Variants in NOP56 observed in about 807,000 individuals in gnomAD.
NOP56 encodes the protein nucleolar protein 56.
A neutral mutation model predicts 58.3 loss-of-function variants in NOP56; 31 were observed. The observed-to-expected ratio is 0.53, with a 90% CI of 0.40 to 0.72. NOP56 has a LOEUF of 0.72. Among genes scored for constraint, NOP56 ranks in the 30% least tolerant of loss-of-function variants. The pLI, the probability that NOP56 is intolerant of heterozygous loss-of-function variation, is 0.00. For synonymous variants in NOP56, 313 were observed against 282.8 expected, an observed-to-expected ratio of 1.11 and a Z score of -1.07; for missense variants, 669 against 739.9, an observed-to-expected ratio of 0.90 and a Z score of 1.11.
intron 3 of NOP56, chr20:2,653,936 A>G (rs763973872): frequency 1.8e-5 from 6 of 335,648 alleles, no homozygotes; most frequent in Admixed American, 3.8e-5. Context: ...TGCAGGCGCG[A>G]GCGACGGTGC....
rs758836446 is a variant in NOP56 at position 2,652,967 on chromosome 20, C to G, written c.93+36C>G. 3.3e-6 allele frequency: 5 copies of G among 1,532,352 alleles called. No homozygotes were observed. The East Asian group carries it at 1.2e-4, about 37-fold the overall frequency. The allele number at this position is 1,532,352 out of a possible 1,614,324, so 94.9% of individuals were successfully genotyped here. ...TCCGTGGGCTCCTTTGGCGGCCCCG[C>G]AGACCCTCATCGCGCGGGTCCCAGC... On this transcript the variant is annotated intron_variant, in intron 2 of 11. Transcript: ENST00000329276.
chr20:2,652,921 T>C lies in NOP56; in HGVS notation c.83T>C (p.Leu28Pro), dbSNP rs777206998. 1.2e-6 allele frequency: 2 copies of C among 1,604,166 alleles called. No homozygotes were observed. The highest frequency in any genetic ancestry group is 1.1e-5 in the South Asian group (1 of 90,320). The change falls in exon 2 of 12, where the codon CTG becomes CCG. Residue 28 changes from leucine to proline, a missense_variant. Physicochemically the swap from Leu to Pro is moderately conservative, Grantham distance 98. Around this residue, in one of 3 missense-constraint regions of NOP56, gnomAD observed 121 missense variants for 113.1 expected, o/e 1.07. Coordinates refer to ENST00000329276, the MANE Select transcript of NOP56 (RefSeq NM_006392.4). Reference sequence around the variant, plus strand: ...AAGGAAGTGGAGGAGATCAGTCTGCTGCAGCCGCAGGTGGGTGAGATCCGT... The same window carrying C: ...AAGGAAGTGGAGGAGATCAGTCTGCCGCAGCCGCAGGTGGGTGAGATCCGT... Reference protein sequence around the residue: ...ALKEVEEISLLQPQVEESVLN... With the variant: ...ALKEVEEISLPQPQVEESVLN...
rs1367398253 is a variant in NOP56 at position 2,656,862 on chromosome 20, G to T, written c.1248G>T (p.Lys416Asn). 6.2e-7 allele frequency: 1 copy of T among 1,614,080 alleles called. No individual in the cohort carries two copies. Among genetic ancestry groups the T allele is most frequent in the Non-Finnish European group, 8.5e-7 (1 of 1,180,048 alleles). Residue 416 changes from lysine (K) to asparagine (N), a missense_variant, in exon 10 of 12, where the codon AAG becomes AAT. This residue lies in a region of NOP56 where 339 missense variants were observed against 430.5 expected (regional missense o/e 0.79). Transcript: ENST00000329276. ...SFYETGEIPR[K>N]NLDVMKEAMV... The stretch of plus-strand genomic sequence containing the variant: ...ATGAGACTGGAGAGATACCACGAAA[G>T]AATCTGGATGTCATGAAGGAAGCAA...
At chr20:2,657,299 C>G in intron 11 of NOP56, 81 bp downstream of exon 11, 1 of 1,594,654 alleles carries the variant, frequency 6.3e-7, no homozygotes, top group Non-Finnish European at 8.6e-7. Context: ...CTGCATCAAG[C>G]TGTGGTCTTG....
chr20:2,657,406 CAG>C lies in NOP56; in HGVS notation c.1419+193_1419+194del, dbSNP rs1316287196. 7.9e-6 allele frequency: 7 copies of C among 887,306 alleles called. 1 individual carries two copies. The East Asian group carries it at 1.3e-4, about 17-fold the overall frequency. 55.0% of individuals were successfully genotyped at this position (887,306 alleles called of 1,614,324 possible). A position where few individuals can be genotyped will look rare whatever the true frequency, so the allele number is the denominator to read the frequency against. On this transcript the variant is annotated intron_variant, in intron 11 of 11. Coordinates refer to ENST00000329276, the MANE Select transcript of NOP56 (RefSeq NM_006392.4). ...TAGGTGCTGAACTTGCTCAAGAGCC[CAG>C]AGAGCTGGTTGTAGCTCACACCCGT...
At position 2,657,309 on chromosome 20, in the gene NOP56, G is replaced by A. The variant is rs537351193; in HGVS notation, c.1419+91G>A. 3.2e-6 allele frequency: 5 copies of A among 1,576,888 alleles called. No homozygotes were observed. In the East Asian group the frequency reaches 1.1e-4, roughly 35 times the overall value. On this transcript the variant is annotated intron_variant, in intron 11 of 11. Transcript: ENST00000329276. ...ATATGCTGCATCAAGCTGTGGTCTT[G>A]AGTCCAGGCTTTTGGACTGAAACAA... is the stretch of plus-strand genomic sequence containing the variant.
Position 2,656,490 on chromosome 20 carries a change from G to T in NOP56, c.1100G>T (p.Arg367Leu). The change falls in exon 9 of 12, where the codon CGC becomes CTC. Residue 367 changes from arginine to leucine, a missense_variant. This residue lies in a region of NOP56 where 339 missense variants were observed against 430.5 expected (regional missense o/e 0.79). Coordinates refer to ENST00000329276, the MANE Select transcript of NOP56 (RefSeq NM_006392.4). ...IGRAAAKNKGRISRYLANKCS... is the reference protein window; with the variant it reads ...IGRAAAKNKGLISRYLANKCS... ...CGAGCAGCTGCCAAGAACAAAGGCCGCATCTCCCGATACCTGGCAAACAAA... is the reference window on the plus strand; with the variant it reads ...CGAGCAGCTGCCAAGAACAAAGGCCTCATCTCCCGATACCTGGCAAACAAA... 3 of 1,614,046 alleles carry T rather than the reference G, an allele frequency of 1.9e-6. No homozygotes were observed. Among genetic ancestry groups the T allele is most frequent in the Non-Finnish European group, 2.5e-6 (3 of 1,180,022 alleles).
intron 2 of NOP56, 120 bp downstream of exon 2, chr20:2,653,051 G>A (rs1032620065): frequency 1.1e-6 from 1 of 917,718 alleles, no homozygotes. Flanking sequence ...GACGGGCCTG[G>A]AAAGCTCTAG....
At position 2,656,781 on chromosome 20, in the gene NOP56, C is replaced by T. The variant is rs79688242; in HGVS notation, c.1167C>T (p.Pro389=). 2,357 of 1,614,070 alleles carry T rather than the reference C, an allele frequency of 1.5e-3. 33 individuals are homozygous for T. In the African/African-American group the frequency reaches 0.028, roughly 19 times the overall value. The change falls in exon 10 of 12, where the codon CCC becomes CCT. Residue 389 remains proline (P), a synonymous_variant. Coordinates refer to ENST00000329276, the MANE Select transcript of NOP56 (RefSeq NM_006392.4). ...TCACCCACACACATCCAGAGGTGCC[C>T]ACGAGTGTATTCGGGGAGAAGCTTC... The part of the protein sequence containing the change: ...ASRIDCFSEV[P]TSVFGEKLRE...
In NOP56 at chr20:2,656,545, C is replaced by T. The variant is rs1292425037; in HGVS notation, c.1155C>T (p.Phe385=). 3 of 1,613,712 alleles carry T rather than the reference C, an allele frequency of 1.9e-6. No homozygotes were observed. The highest frequency in any genetic ancestry group is 2.2e-5 in the East Asian group (1 of 44,876). ...KCSIASRIDC[F]SEVPTSVFGE... is the part of the protein sequence containing the mutation. ...GTATTGCCTCACGAATCGATTGCTT[C>T]TCTGGTATGGGTGGGGGGGCGTTGG... Residue 385 remains phenylalanine, a synonymous_variant, in exon 9 of 12, where the codon TTC becomes TTT. Transcript: ENST00000329276.
At chr20:2,652,781 G>A (rs1239334686) in intron 1 of NOP56, 61 bp from the exon 2 acceptor site, 7 of 1,565,156 alleles carry the variant, frequency 4.5e-6, no homozygotes, top group Non-Finnish European at 6.1e-6. Context: ...GCCTGCCCTG[G>A]GAACGGGTTC....
At chr20:2,655,129 G>T in intron 5 of NOP56, 182 bp downstream of exon 5, 2 of 1,052,096 alleles carry the variant, frequency 1.9e-6, no homozygotes, top group Non-Finnish European at 3.0e-6. Context: ...AGGAGGTAGA[G>T]TAAACCTACC....
rs2086816298 is a variant in NOP56, at chr20:2,656,283, C to A, written c.1011-118C>A. ...GGTTGGCATGCATTGGGGTAGAGAT[C>A]CAATCTGGCCTGAGGCTCACTCAGG... On this transcript the variant is annotated intron_variant, in intron 8 of 11. Coordinates refer to ENST00000329276, the MANE Select transcript of NOP56 (RefSeq NM_006392.4). 20 of 1,604,458 alleles carry A rather than the reference C, an allele frequency of 1.2e-5. No homozygotes were observed. In the South Asian group the frequency reaches 2.1e-4, roughly 17 times the overall value.
At position 2,652,676 on chromosome 20, in the gene NOP56, T is replaced by A. The variant is rs755976025; in HGVS notation, c.3+13T>A. 9 of 1,454,798 alleles carry A rather than the reference T, an allele frequency of 6.2e-6. No homozygotes were observed. In the East Asian group the frequency reaches 8.5e-5, roughly 14 times the overall value. The allele number at this position is 1,454,798 out of a possible 1,614,324, so 90.1% of individuals were successfully genotyped here. On this transcript the variant is annotated intron_variant, in intron 1 of 11. Transcript: ENST00000329276. ...AGCTGGCGCCATGGTGAGGAGTGGT[T>A]GCGGGGCGCGGGCGACGCGACGGTG...
rs765039673 is a variant in NOP56 at position 2,656,501 on chromosome 20, T to C, written c.1111T>C (p.Tyr371His). ...CAAGAACAAAGGCCGCATCTCCCGA[T>C]ACCTGGCAAACAAATGCAGTATTGC... ...AAKNKGRISR[Y>H]LANKCSIASR... Residue 371 changes from tyrosine (Y) to histidine (H), a missense_variant, in exon 9 of 12, where the codon TAC (tyrosine) becomes CAC (histidine). This residue lies in a region of NOP56 where 339 missense variants were observed against 430.5 expected (regional missense o/e 0.79). Transcript: ENST00000329276. The C allele has an allele frequency of 1.2e-6, 2 of 1,614,114 alleles. No homozygotes were observed. The highest frequency in any genetic ancestry group is 1.7e-5 in the Admixed American group (1 of 60,018).
rs1394343576 is a variant in NOP56 at position 2,653,216 on chromosome 20, C to CTT, written c.94-62_94-61dup. 5 of 1,346,142 alleles carry CTT rather than the reference C, an allele frequency of 3.7e-6. No homozygotes were observed. The African/African-American group carries it at 5.8e-5, about 16-fold the overall frequency. 83.4% of individuals were successfully genotyped at this position (1,346,142 alleles called of 1,614,324 possible). The stretch of plus-strand genomic sequence containing the variant: ...GAGCTTCCAAGGCTGAGAACCGCTG[C>CTT]TTGACTGCGCCGCAGAGGCAGGAGG... On this transcript the variant is annotated intron_variant, in intron 2 of 11. Coordinates refer to ENST00000329276, the MANE Select transcript of NOP56 (RefSeq NM_006392.4).
At chr20:2,654,302 G>A in intron 3 of NOP56, 112 bp from the exon 4 acceptor site, 1 of 1,051,462 alleles carries the variant, frequency 9.5e-7, no homozygotes, top group Non-Finnish European at 1.5e-6. Flanking sequence ...GATGGGGAGG[G>A]ATCTAGGTAT....
At chr20:2,657,851 C>T (rs2086847438) in intron 11 of NOP56, 78 bp from the exon 12 acceptor site, 3 of 1,462,128 alleles carry the variant, frequency 2.1e-6, no homozygotes, top group Non-Finnish European at 2.8e-6. Flanking sequence ...GACACGCGTT[C>T]CCCTGCCTTG....
rs754858790 is a variant in NOP56 at position 2,652,714 on chromosome 20, TG to T, written c.3+52del. The T allele has an allele frequency of 2.9e-5, 42 of 1,462,992 alleles. No homozygotes were observed. In the South Asian group the frequency reaches 5.2e-4, roughly 18 times the overall value. The allele number at this position is 1,462,992 out of a possible 1,614,324, so 90.6% of individuals were successfully genotyped here. On this transcript the variant is annotated intron_variant, in intron 1 of 11. Transcript: ENST00000329276. Reference sequence around the variant, plus strand: ...CGACGCGACGGTGGGGGTTTCGGCCTGCGTTCGGGCCGCAGACAGGGCCTGG... The same window carrying T: ...CGACGCGACGGTGGGGGTTTCGGCCTCGTTCGGGCCGCAGACAGGGCCTGG...
Sources: gnomAD v4.1 joint callset for allele counts on GRCh38, gnomAD v4.1.1 for gene constraint, gnomAD v4.1.1 regional missense constraint, MANE v1.5 for transcripts, NCBI Gene and HGNC (gene_info 2026-07-23, HGNC 2026-07-21) for gene names.